The following EFR3A variants were observed in gnomAD, a reference collection of about 807,000 sequenced individuals.
EFR3A encodes EFR3 homolog A.
A neutral mutation model predicts 104.4 loss-of-function variants in EFR3A; 76 were observed. That is an observed-to-expected ratio of 0.73 (90% CI 0.60 to 0.88). The LOEUF is 0.88. EFR3A is among the 40% of genes least tolerant of loss of function. The pLI is 0.00. For synonymous variants in EFR3A, 330 were observed against 330.0 expected (o/e 1.00, Z 0.00); for missense variants, 985 against 1,012.5 (o/e 0.97, Z 0.37).
At chr8:131,988,795 A>G (rs1173146238) in intron 18 of EFR3A, among the ~76,000 whole-genome samples, 1 of 152,130 alleles carries the variant, frequency 6.6e-6, no homozygotes, top group Non-Finnish European at 1.5e-5. Flanking sequence ...CTCTAGGAAA[A>G]TAGCTTAATA....
chr8:131,910,234 C>G (rs1031169765), intron 1 of EFR3A, among the ~76,000 whole-genome samples: 3 of 152,168 alleles, frequency 2.0e-5, no homozygotes, highest in African/African-American at 7.2e-5. Context: ...CTCTAGGTGA[C>G]ATGGAATGGG....
chr8:131,944,287 T>C lies in EFR3A; in HGVS notation c.88-458T>C, dbSNP rs9297835. ...ATAGATTCTACAGCTCTGAATACTTTCTTGTTTATTAATTACAACAAAAAC... is the reference window on the plus strand; with the variant it reads ...ATAGATTCTACAGCTCTGAATACTTCCTTGTTTATTAATTACAACAAAAAC... On this transcript the variant is annotated intron_variant, in intron 2 of 22. Transcript: ENST00000254624. Among the ~76,000 whole-genome samples, 178 of 152,214 alleles carry C rather than the reference T, an allele frequency of 1.2e-3. 1 individual carries two copies. The highest frequency in any genetic ancestry group is 4.1e-3 in the African/African-American group (169 of 41,552).
Position 132,001,790 on chromosome 8 carries a change from C to T in EFR3A, c.2189C>T (p.Ala730Val), listed in dbSNP as rs1191381023. 2 of 1,613,118 alleles carry T rather than the reference C, an allele frequency of 1.2e-6. No homozygotes were observed. The highest frequency in any genetic ancestry group is 1.7e-6 in the Non-Finnish European group (2 of 1,179,414). ...VSNTEEITFEALKKAIDTSGM... is the reference protein window; with the variant it reads ...VSNTEEITFEVLKKAIDTSGM... Reference sequence around the variant, plus strand: ...AACACTGAAGAAATCACTTTTGAAGCATTGAAGAAAGCAATTGGTGAGATA... The same window carrying T: ...AACACTGAAGAAATCACTTTTGAAGTATTGAAGAAAGCAATTGGTGAGATA... The change falls in exon 20 of 23, where the codon GCA becomes GTA. Residue 730 changes from alanine (A) to valine (V), a missense_variant. Coordinates refer to ENST00000254624, the MANE Select transcript of EFR3A (RefSeq NM_015137.6).
At chr8:131,943,276 T>C (rs1189073766) in intron 2 of EFR3A, among the ~76,000 whole-genome samples, 1 of 152,130 alleles carries the variant, frequency 6.6e-6, no homozygotes, top group Non-Finnish European at 1.5e-5. Flanking sequence ...TTTTTAGCAG[T>C]GTCTTCACAG....
At position 131,940,550 on chromosome 8, in the gene EFR3A, A is replaced by G. The variant is rs1203980392; in HGVS notation, c.62A>G (p.Asp21Gly). 2 of 1,608,764 alleles carry G rather than the reference A, an allele frequency of 1.2e-6. No homozygotes were observed. Among genetic ancestry groups the G allele is most frequent in the African/African-American group, 1.3e-5 (1 of 74,458 alleles). Residue 21 changes from aspartate (D) to glycine (G), a missense_variant, in exon 2 of 23, where the codon GAC (aspartate) becomes GGC (glycine). By Grantham distance (94) the Asp-to-Gly change is moderately conservative. Transcript: ENST00000254624. ...CGTCCTCGCTACAAACGCCTGGTGG[A>G]CAACATATTCCCTGAAGATCCAAAA... is the stretch of plus-strand genomic sequence containing the variant. Reference protein sequence around the residue: ...ALRPRYKRLVDNIFPEDPKDG... With the variant: ...ALRPRYKRLVGNIFPEDPKDG...
In EFR3A at chr8:131,930,235, T is replaced by C. The variant is rs574856820; in HGVS notation, c.11-10264T>C. 5.9e-5 allele frequency among the ~76,000 whole-genome samples: 9 copies of C among 152,240 alleles called. No homozygotes were observed. The South Asian group carries it at 1.9e-3, about 32-fold the overall frequency. ...GGACATTGTGCAGATGGTGCAGATA[T>C]AGATTTGGTGCTTATGTTTTAGAGC... On this transcript the variant is annotated intron_variant, in intron 1 of 22. Transcript: ENST00000254624.
intron 5 of EFR3A, among the ~76,000 whole-genome samples, chr8:131,951,901 T>G (rs1247163601): frequency 6.6e-6 from 1 of 152,202 alleles, no homozygotes; most frequent in African/African-American, 2.4e-5. Flanking sequence ...TGATTCTCTT[T>G]AAGTATATTT....
intron 22 of EFR3A, among the ~76,000 whole-genome samples, chr8:132,010,419 T>G (rs1267595389): frequency 3.1e-4 from 27 of 88,306 alleles, no homozygotes; most frequent in African/African-American, 8.9e-4. Context: ...TATATATATA[T>G]ATATATATAT....
At chr8:131,986,605 G>A (rs558906443) in intron 17 of EFR3A, among the ~76,000 whole-genome samples, 34 of 152,066 alleles carry the variant, frequency 2.2e-4, no homozygotes, top group Middle Eastern at 3.4e-3. Context: ...CCAACATGGT[G>A]AAACCCCGTC....
intron 22 of EFR3A, among the ~76,000 whole-genome samples, chr8:132,010,449 T>TATATAA (rs1326843233): frequency 3.3e-4 from 42 of 128,406 alleles, no homozygotes; most frequent in Admixed American, 4.0e-4. Flanking sequence ...TATATATATA[T>TATATAA]AATGAAATAC....
At chr8:131,969,030 G>T (rs1819910720) in intron 9 of EFR3A, among the ~76,000 whole-genome samples, 2 of 152,136 alleles carry the variant, frequency 1.3e-5, no homozygotes, top group South Asian at 4.1e-4. Context: ...AAAATGTAGG[G>T]CACATTAGAA....
At chr8:131,909,001 C>T (rs1445903592) in intron 1 of EFR3A, among the ~76,000 whole-genome samples, 3 of 152,168 alleles carry the variant, frequency 2.0e-5, no homozygotes, top group African/African-American at 7.2e-5. Context: ...CATTTCAAAT[C>T]CTCTCTTCTA....
At chr8:132,009,073 T>C (rs906492391) in intron 22 of EFR3A, among the ~76,000 whole-genome samples, 3 of 151,850 alleles carry the variant, frequency 2.0e-5, no homozygotes, top group African/African-American at 4.8e-5. Flanking sequence ...AAAATAGATA[T>C]ACCAGGAAAA....
rs190569986 is a variant in EFR3A, at chr8:131,960,762, T to C, written c.855+1099T>C. Among the ~76,000 whole-genome samples, 145 of 152,324 alleles carry C rather than the reference T, an allele frequency of 9.5e-4. 1 individual carries two copies. The highest frequency in any genetic ancestry group is 1.7e-3 in the Non-Finnish European group (116 of 68,034). ...CATTTCTGGTAAAGGGAAAGTATTT[T>C]ACTTAAAGCCTATCTTTTGTGCTAA... On this transcript the variant is annotated intron_variant, in intron 8 of 22. Transcript: ENST00000254624.
At chr8:131,949,893 CAG>C in intron 4 of EFR3A, 74 bp from the exon 5 acceptor site, 1 of 1,230,406 alleles carries the variant, frequency 8.1e-7, no homozygotes, top group Non-Finnish European at 1.1e-6. Context: ...GTTAATATGA[CAG>C]TGTATGAAAT....
intron 1 of EFR3A, among the ~76,000 whole-genome samples, chr8:131,939,045 C>T (rs943688444): frequency 6.6e-6 from 1 of 152,012 alleles, no homozygotes; most frequent in Non-Finnish European, 1.5e-5. Context: ...GATTTTTATG[C>T]TATTGGGAAT....
intron 22 of EFR3A, among the ~76,000 whole-genome samples, chr8:132,003,766 G>T (rs1250862028): frequency 6.6e-6 from 1 of 152,112 alleles, no homozygotes; most frequent in Admixed American, 6.6e-5. Flanking sequence ...TTTGAGTTCT[G>T]TTGTGAATTA....
chr8:131,944,880 A>C lies in EFR3A; in HGVS notation c.215+8A>C. 1.2e-6 allele frequency: 2 copies of C among 1,604,886 alleles called. No individual in the cohort carries two copies. The highest frequency in any genetic ancestry group is 1.7e-6 in the Non-Finnish European group (2 of 1,176,866). On this transcript the variant is annotated splice_region_variant and intron_variant, in intron 3 of 22. Transcript: ENST00000254624. ...TGTCAGACATCGTTCTGGGTAAGGA[A>C]ACTAATGGCTGCTAAAATAGTATCT... is the stretch of plus-strand genomic sequence containing the variant.
chr8:131,980,831 G>GC, intron 14 of EFR3A, among the ~76,000 whole-genome samples: 1 of 151,742 alleles, frequency 6.6e-6, no homozygotes, highest in Non-Finnish European at 1.5e-5. Flanking sequence ...TCGCTTTCAG[G>GC]CCCCAGCTCT....
Sources: allele counts gnomAD v4.1 joint callset (sites outside exome capture counted in the v4.1 genomes callset), GRCh38; gene constraint gnomAD v4.1.1; transcripts MANE v1.5; gene names NCBI Gene and HGNC (gene_info 2026-07-23, HGNC 2026-07-21).